Variants in MMS22L observed in about 807,000 individuals in gnomAD.
MMS22L encodes protein MMS22-like.
Under a neutral mutation model 159.1 loss-of-function variants are expected in MMS22L, and 74 were observed. The observed-to-expected ratio is 0.47, with a 90% CI of 0.39 to 0.56. MMS22L has a LOEUF of 0.56. Among genes scored for constraint, MMS22L ranks in the 20% least tolerant of loss-of-function variants. The pLI is 0.00. For synonymous variants in MMS22L, 517 were observed against 506.9 expected, an observed-to-expected ratio of 1.02 and a Z score of -0.27; for missense variants, 1,351 against 1,422.1, an observed-to-expected ratio of 0.95 and a Z score of 0.80.
chr6:97,150,106 C>A, intron 23 of MMS22L, 86 bp from the exon 24 acceptor site: 2 of 963,562 alleles, frequency 2.1e-6, no homozygotes, highest in South Asian at 1.8e-5. Context: ...ATGAACTGAA[C>A]ATAACAAAGA....
chr6:97,158,590 G>T (rs1431051540), intron 22 of MMS22L, among the ~76,000 whole-genome samples: 1 of 152,146 alleles, frequency 6.6e-6, no homozygotes, highest in Non-Finnish European at 1.5e-5. Flanking sequence ...CTCGGGAGCA[G>T]CTTGTTCAGT....
intron 19 of MMS22L, among the ~76,000 whole-genome samples, chr6:97,171,586 AG>A (rs1803553089): frequency 6.6e-6 from 1 of 152,232 alleles, no homozygotes; most frequent in Non-Finnish European, 1.5e-5. Flanking sequence ...ATGCCTTTTC[AG>A]AAATAACTGA....
At position 97,146,803 on chromosome 6, in the gene MMS22L, A is replaced by G. The variant is rs1800944053; in HGVS notation, c.*3T>C. The stretch of plus-strand genomic sequence containing the variant: ...TAATAGACAGGATGAATCACAAAAT[A>G]TATTAAGTATTATCATTTTCCAGTC... On this transcript the variant is annotated 3_prime_UTR_variant, in exon 25 of 25. Transcript: ENST00000683635. 1.3e-6 allele frequency: 2 copies of G among 1,565,248 alleles called. No individual in the cohort carries two copies. The highest frequency in any genetic ancestry group is 2.4e-5 in the East Asian group (1 of 42,490).
Position 97,246,744 on chromosome 6 carries a change from T to A in MMS22L, c.1120-54A>T. ...ATTATTGCTCTTGATTATGCCTATA[T>A]TTAAAATTAGGGTATAGCAAATTAA... On this transcript the variant is annotated intron_variant, in intron 10 of 24. Transcript: ENST00000683635. 34 of 1,303,530 alleles carry A rather than the reference T, an allele frequency of 2.6e-5. 1 individual carries two copies. In the South Asian group the frequency reaches 4.3e-4, roughly 16 times the overall value. The allele number at this position is 1,303,530 out of a possible 1,614,324, so 80.7% of individuals were successfully genotyped here. A position where few individuals can be genotyped will look rare whatever the true frequency, so the allele number is the denominator to read the frequency against.
chr6:97,233,904 A>C lies in MMS22L; in HGVS notation c.1259T>G (p.Ile420Ser). Residue 420 changes from isoleucine to serine, a missense_variant, in exon 12 of 25, where the codon ATT becomes AGT. Transcript: ENST00000683635. ...TTCCCATAAAATGGTAACAATTGCA[A>C]TGTTTGGCTCCCAGAAATCACAAAG... ...LTLCDFWEPNIAIVTILWEYY... is the reference protein window; with the variant it reads ...LTLCDFWEPNSAIVTILWEYY... The C allele has an allele frequency of 6.2e-7, 1 of 1,611,442 alleles. No individual in the cohort carries two copies. Among genetic ancestry groups the C allele is most frequent in the Non-Finnish European group, 8.5e-7 (1 of 1,178,788 alleles).
intron 9 of MMS22L, among the ~76,000 whole-genome samples, chr6:97,256,261 G>A (rs1202149272): frequency 6.6e-6 from 1 of 152,008 alleles, no homozygotes; most frequent in African/African-American, 2.4e-5. Flanking sequence ...AATTAACATA[G>A]ACCTTTCTCT....
intron 22 of MMS22L, among the ~76,000 whole-genome samples, chr6:97,155,021 C>T (rs946045588): frequency 6.6e-6 from 1 of 152,086 alleles, no homozygotes; most frequent in Admixed American, 6.6e-5. Flanking sequence ...TTGCTGTTTG[C>T]ACAACTATCT....
At chr6:97,153,539 T>G (rs1357600639) in intron 22 of MMS22L, among the ~76,000 whole-genome samples, 1 of 151,822 alleles carries the variant, frequency 6.6e-6, no homozygotes, top group Non-Finnish European at 1.5e-5. Context: ...GCCCGGCTAA[T>G]TTTGTATTTT....
chr6:97,240,548 T>A (rs571311627), intron 11 of MMS22L, among the ~76,000 whole-genome samples: 2 of 152,242 alleles, frequency 1.3e-5, no homozygotes, highest in South Asian at 4.1e-4. Flanking sequence ...TTTGGTTACA[T>A]GAATAAGTTC....
intron 10 of MMS22L, among the ~76,000 whole-genome samples, chr6:97,252,248 A>G (rs1404060490): frequency 2.0e-5 from 3 of 152,156 alleles, no homozygotes; most frequent in African/African-American, 7.2e-5. Flanking sequence ...AACTAATATT[A>G]AAATATACTA....
intron 13 of MMS22L, chr6:97,230,185 C>T (rs1168186923): frequency 6.6e-6 from 1 of 152,070 alleles, no homozygotes; most frequent in Non-Finnish European, 1.5e-5. Flanking sequence ...CAGCCTCCAC[C>T]TCCCAGTTTC....
In MMS22L at chr6:97,168,124, G is replaced by T. The variant is rs748922130; in HGVS notation, c.2956C>A (p.Leu986Met). 1.9e-6 allele frequency: 3 copies of T among 1,613,062 alleles called. No homozygotes were observed. ...PHAVLQQEKE[L>M]PAPMLSAIQK... is the part of the protein sequence containing the mutation. The stretch of plus-strand genomic sequence containing the variant: ...ATTGCTGACAACATAGGTGCAGGCA[G>T]TTCCTTCTCTTGCTGTAATACTGCA... The change falls in exon 20 of 25, where the codon CTG becomes ATG. Residue 986 changes from leucine (L) to methionine (M), a missense_variant. Transcript: ENST00000683635.
Position 97,189,515 on chromosome 6 carries a change from T to C in MMS22L, c.2040-2825A>G, listed in dbSNP as rs892553507. ...TTGCAGTGAGCTGAGATTGCACCACTGCACTCCAGCCTGGGCAACAGCGAG... is the reference window on the plus strand; with the variant it reads ...TTGCAGTGAGCTGAGATTGCACCACCGCACTCCAGCCTGGGCAACAGCGAG... On this transcript the variant is annotated intron_variant, in intron 14 of 24. Coordinates refer to ENST00000683635, the MANE Select transcript of MMS22L (RefSeq NM_001350599.2). Among the ~76,000 whole-genome samples, 43 of 119,572 alleles carry C rather than the reference T, an allele frequency of 3.6e-4. 2 individuals carry two copies. The highest frequency in any genetic ancestry group is 2.4e-3 in the South Asian group (9 of 3,710). The allele number at this position is 119,572 out of a possible 152,430, so 78.4% of individuals were successfully genotyped here.
intron 15 of MMS22L, among the ~76,000 whole-genome samples, chr6:97,184,623 C>A (rs1407790708): frequency 6.6e-6 from 1 of 152,078 alleles, no homozygotes; most frequent in Non-Finnish European, 1.5e-5. Context: ...CCGTATCTTA[C>A]CCACTTAGCA....
chr6:97,241,462 AT>A (rs750008403), intron 11 of MMS22L, among the ~76,000 whole-genome samples: 125 of 149,650 alleles, frequency 8.4e-4, no homozygotes, highest in African/African-American at 3.0e-3. Flanking sequence ...ACCAACATCT[AT>A]TTTTTTTTTA....
At chr6:97,165,813 G>C (rs987208011) in intron 20 of MMS22L, among the ~76,000 whole-genome samples, 7 of 151,986 alleles carry the variant, frequency 4.6e-5, no homozygotes, top group African/African-American at 1.4e-4. Flanking sequence ...AACACCTTTA[G>C]GTCATTTTTT....
intron 14 of MMS22L, among the ~76,000 whole-genome samples, chr6:97,194,378 C>A (rs1326516520): frequency 6.6e-6 from 1 of 152,068 alleles, no homozygotes; most frequent in Non-Finnish European, 1.5e-5. Context: ...TTCTACCAGG[C>A]AGATGCTGCT....
At chr6:97,242,067 A>G (rs1199147614) in intron 11 of MMS22L, among the ~76,000 whole-genome samples, 1 of 152,170 alleles carries the variant, frequency 6.6e-6, no homozygotes, top group Non-Finnish European at 1.5e-5. Context: ...AAGAGAATGT[A>G]TATTCTGCAG....
intron 14 of MMS22L, among the ~76,000 whole-genome samples, chr6:97,196,380 T>C (rs554839778): frequency 6.6e-6 from 1 of 152,292 alleles, no homozygotes; most frequent in East Asian, 1.9e-4. Flanking sequence ...TGAAATTGCA[T>C]GGTACATGAA....
Sources: allele counts gnomAD v4.1 joint callset (sites outside exome capture counted in the v4.1 genomes callset), GRCh38; gene constraint gnomAD v4.1.1; transcripts MANE v1.5; gene names NCBI Gene and HGNC (gene_info 2026-07-23, HGNC 2026-07-21).